SRP54: variants seen among roughly 807,000 people sequenced by gnomAD.
SRP54 encodes the protein signal recognition particle 54.
SRP54 carries 10 observed loss-of-function variants against 64.8 expected under a neutral mutation model. The observed-to-expected ratio is 0.15, with a 90% confidence interval of 0.10 to 0.26. SRP54 has a LOEUF of 0.26. Among genes scored for constraint, SRP54 ranks in the 10% least tolerant of loss-of-function variants. The probability of loss-of-function intolerance (pLI) is 1.00; values close to 1 mark genes in which losing one functional copy is unlikely to be tolerated. For synonymous variants in SRP54, 193 were observed against 185.6 expected (o/e 1.04, Z -0.32); for missense variants, 325 against 613.7 (o/e 0.53, Z 4.97).
rs1384552218 is a variant in SRP54, at chr14:34,988,578, A to AAAAAAAAAAAATAT, written c.-34+5364_-34+5365insAAAAAAAAAATATA. Among the ~76,000 whole-genome samples, 6 of 47,104 alleles carry AAAAAAAAAAAATAT rather than the reference A, an allele frequency of 1.3e-4. 1 individual carries two copies. The highest frequency in any genetic ancestry group is 2.4e-4 in the Non-Finnish European group (5 of 20,870). The allele number at this position is 47,104 out of a possible 152,430, so 30.9% of individuals were successfully genotyped here. On this transcript the variant is annotated intron_variant, in intron 1 of 15. Coordinates refer to ENST00000216774, the MANE Select transcript of SRP54 (RefSeq NM_003136.4). ...TCCATCTCAAAAAAAAAAAAAAAAA[A>AAAAAAAAAAAATAT]ATATATATATATATATAACATATAT...
Position 35,008,654 on chromosome 14 carries a change from T to G in SRP54, c.388T>G (p.Trp130Gly). The G allele has an allele frequency of 6.3e-7, 1 of 1,593,706 alleles. No homozygotes were observed. The highest frequency in any genetic ancestry group is 8.5e-7 in the Non-Finnish European group (1 of 1,170,276). ...KLAYYYQRKGWKTCLICADTF... is the reference protein window; with the variant it reads ...KLAYYYQRKGGKTCLICADTF... ...AGCATATTATTACCAGAGGAAAGGT[T>G]GGAAGACCTGTTTAATATGTGCAGA... Residue 130 changes from tryptophan (W) to glycine (G), a missense_variant, in exon 6 of 16, where the codon TGG becomes GGG. By Grantham distance (184) the Trp-to-Gly change is radical. Coordinates refer to ENST00000216774, the MANE Select transcript of SRP54 (RefSeq NM_003136.4).
At position 35,022,998 on chromosome 14, in the gene SRP54, A is replaced by C. The variant is rs1341399630; in HGVS notation, c.1245A>C (p.Arg415Ser). Reference sequence around the variant, plus strand: ...CAAGAGGATCGGGTGTATCAACAAGAGATGTTCAAGAACTTTTGACACAAT... The same window carrying C: ...CAAGAGGATCGGGTGTATCAACAAGCGATGTTCAAGAACTTTTGACACAAT... The part of the protein sequence containing the change: ...RVARGSGVST[R>S]DVQELLTQYT... The change falls in exon 14 of 16, where the codon AGA becomes AGC. Residue 415 changes from arginine (R) to serine (S), a missense_variant. Arg to Ser is a moderately radical substitution (Grantham distance 110, BLOSUM62 -1). Transcript: ENST00000216774. The C allele has an allele frequency of 6.2e-7, 1 of 1,614,028 alleles. No individual in the cohort carries two copies. The highest frequency in any genetic ancestry group is 1.3e-5 in the African/African-American group (1 of 75,058).
chr14:35,022,139 G>C (rs573625124), intron 13 of SRP54, among the ~76,000 whole-genome samples: 1 of 152,076 alleles, frequency 6.6e-6, no homozygotes, highest in South Asian at 2.1e-4. Context: ...ATTTAGGGTA[G>C]AGCTAAAGTG....
chr14:35,026,178 TTTTA>T (rs1015157610), intron 14 of SRP54, among the ~76,000 whole-genome samples: 23 of 66,814 alleles, frequency 3.4e-4, no homozygotes, highest in East Asian at 1.8e-3. Flanking sequence ...GTTGTTGTTT[TTTTA>T]TTTATTGTTG....
chr14:35,026,216 G>C (rs1595018093), intron 14 of SRP54, among the ~76,000 whole-genome samples: 1 of 122,742 alleles, frequency 8.1e-6, no homozygotes, highest in South Asian at 2.7e-4. Context: ...GTTGTTTTTT[G>C]TTTGTTTGTT....
intron 4 of SRP54, among the ~76,000 whole-genome samples, chr14:35,006,632 T>C (rs2044262474): frequency 6.6e-6 from 1 of 152,240 alleles, no homozygotes; most frequent in Non-Finnish European, 1.5e-5. Context: ...AAAATTCATG[T>C]GTAGCCTTCA....
At chr14:34,992,974 C>T (rs1478231023) in intron 1 of SRP54, among the ~76,000 whole-genome samples, 1 of 152,010 alleles carries the variant, frequency 6.6e-6, no homozygotes, top group Non-Finnish European at 1.5e-5. Context: ...ATTCTCCTGC[C>T]TCACACTCCT....
rs376712278 is a variant in SRP54, at chr14:35,014,290, T to TTTTTTTTTTTTTTTTTG, written c.886+392_886+393insTTTTTTTTTTTTGTTTT. Among the ~76,000 whole-genome samples, 18 of 127,264 alleles carry TTTTTTTTTTTTTTTTTG rather than the reference T, an allele frequency of 1.4e-4. 1 individual carries two copies. Among genetic ancestry groups the TTTTTTTTTTTTTTTTTG allele is most frequent in the East Asian group, 2.7e-4 (1 of 3,688 alleles). 83.5% of individuals were successfully genotyped at this position (127,264 alleles called of 152,430 possible). ...TGCCACTTAACTTTTTTTTTTTTTT[T>TTTTTTTTTTTTTTTTTG]TTTTGAGACGGAGTTTCGCTCTTGT... On this transcript the variant is annotated intron_variant, in intron 10 of 15. Transcript: ENST00000216774.
intron 4 of SRP54, among the ~76,000 whole-genome samples, chr14:35,001,550 C>G (rs993558121): frequency 6.6e-6 from 1 of 152,216 alleles, no homozygotes; most frequent in South Asian, 2.1e-4. Context: ...AGCCAAGATG[C>G]GATGAGTGAA....
intron 13 of SRP54, among the ~76,000 whole-genome samples, chr14:35,022,396 G>A (rs1407335523): frequency 5.3e-5 from 8 of 150,286 alleles, no homozygotes; most frequent in Non-Finnish European, 1.0e-4. Context: ...TCGCTCTGTC[G>A]CCCAGGCTGG....
At chr14:34,987,383 A>G (rs988327738) in intron 1 of SRP54, among the ~76,000 whole-genome samples, 4 of 151,320 alleles carry the variant, frequency 2.6e-5, no homozygotes, top group Admixed American at 1.3e-4. Flanking sequence ...ACCATAATCA[A>G]TTTTCGTACA....
chr14:34,989,546 A>G (rs918787881), intron 1 of SRP54, among the ~76,000 whole-genome samples: 5 of 152,284 alleles, frequency 3.3e-5, no homozygotes, highest in African/African-American at 4.8e-5. Context: ...CTCTGTTTAT[A>G]TAATCTCAGA....
At chr14:34,983,866 G>T (rs1277899331) in intron 1 of SRP54, among the ~76,000 whole-genome samples, 2 of 152,312 alleles carry the variant, frequency 1.3e-5, no homozygotes, top group South Asian at 2.1e-4. Context: ...ATCAAGATGG[G>T]TAATGAGAAA....
At chr14:34,991,350 G>A (rs1414875961) in intron 1 of SRP54, among the ~76,000 whole-genome samples, 1 of 151,452 alleles carries the variant, frequency 6.6e-6, no homozygotes, top group Non-Finnish European at 1.5e-5. Flanking sequence ...GGCTGGTCTC[G>A]AACTCCTGAC....
At chr14:34,983,239 C>G (rs1341425596) in intron 1 of SRP54, 24 bp downstream of exon 1, 1 of 152,310 alleles carries the variant, frequency 6.6e-6, no homozygotes, top group Non-Finnish European at 1.5e-5. Context: ...TTTTCCCGCC[C>G]CAGACTACGG....
intron 11 of SRP54, 95 bp from the exon 12 acceptor site, chr14:35,018,597 C>G: frequency 5.3e-6 from 5 of 948,440 alleles, no homozygotes; most frequent in Non-Finnish European, 8.1e-6. Context: ...TATAAATATG[C>G]TTCAAGATGA....
At chr14:34,994,851 A>C (rs1411078358) in intron 1 of SRP54, among the ~76,000 whole-genome samples, 1 of 150,824 alleles carries the variant, frequency 6.6e-6, no homozygotes, top group Non-Finnish European at 1.5e-5. Context: ...TGGTGTGATC[A>C]TGACCTCCTT....
Position 35,012,045 on chromosome 14 carries a change from C to T in SRP54, c.636+386C>T, listed in dbSNP as rs144878328. Among the ~76,000 whole-genome samples, 263 of 151,838 alleles carry T rather than the reference C, an allele frequency of 1.7e-3. 1 individual carries two copies. Among genetic ancestry groups the T allele is most frequent in the African/African-American group, 6.0e-3 (249 of 41,444 alleles). On this transcript the variant is annotated intron_variant, in intron 8 of 15. Coordinates refer to ENST00000216774, the MANE Select transcript of SRP54 (RefSeq NM_003136.4). ...CAGCCTGGCCAACATGGTGAAACTC[C>T]GTCTCTACTAAAAATACAAAAATTA...
chr14:35,020,435 A>G (rs2044510386), intron 13 of SRP54, among the ~76,000 whole-genome samples: 1 of 152,216 alleles, frequency 6.6e-6, no homozygotes, highest in Non-Finnish European at 1.5e-5. Flanking sequence ...ATGCTGTTCG[A>G]TAGCATTTTA....
Sources: allele counts gnomAD v4.1 joint callset (sites outside exome capture counted in the v4.1 genomes callset), GRCh38; gene constraint gnomAD v4.1.1; transcripts MANE v1.5; gene names NCBI Gene and HGNC (gene_info 2026-07-23, HGNC 2026-07-21).